The following MAPKAP1 variants were observed in gnomAD, a reference collection of about 807,000 sequenced individuals.
The protein encoded by MAPKAP1 is MAPK associated protein 1.
MAPKAP1 carries 20 observed loss-of-function variants against 65.7 expected under a neutral mutation model. The observed-to-expected ratio is 0.30, with a 90% CI of 0.21 to 0.44. The LOEUF is 0.44. Among genes scored for constraint, MAPKAP1 ranks in the 20% least tolerant of loss-of-function variants. The pLI is 1.00. For synonymous variants in MAPKAP1, 222 were observed against 244.3 expected (o/e 0.91, Z 0.85); for missense variants, 423 against 648.0 (o/e 0.65, Z 3.77).
intron 1 of MAPKAP1, among the ~76,000 whole-genome samples, chr9:125,701,817 C>T (rs1835607990): frequency 6.6e-6 from 1 of 152,188 alleles, no homozygotes; most frequent in Non-Finnish European, 1.5e-5. Context: ...GTCATCTCAC[C>T]AGCCAGATCT....
chr9:125,564,773 C>T (rs1262569966), intron 5 of MAPKAP1, among the ~76,000 whole-genome samples: 7 of 152,244 alleles, frequency 4.6e-5, no homozygotes, highest in East Asian at 3.9e-4. Flanking sequence ...CTTCTGATTA[C>T]GCAGAAGCTG....
intron 8 of MAPKAP1, among the ~76,000 whole-genome samples, chr9:125,499,603 T>C (rs1170247001): frequency 1.3e-5 from 2 of 152,190 alleles, no homozygotes; most frequent in Non-Finnish European, 2.9e-5. Flanking sequence ...ATTAAGACCA[T>C]GTTCATGTTC....
chr9:125,446,146 T>A (rs886605936), intron 10 of MAPKAP1, among the ~76,000 whole-genome samples: 1 of 152,184 alleles, frequency 6.6e-6, no homozygotes, highest in Non-Finnish European at 1.5e-5. Context: ...GAAATCTTCT[T>A]GGGGACTTTA....
intron 6 of MAPKAP1, among the ~76,000 whole-genome samples, chr9:125,547,429 T>G (rs1240504874): frequency 6.6e-6 from 1 of 152,218 alleles, no homozygotes; most frequent in Non-Finnish European, 1.5e-5. Context: ...CTGTAACATG[T>G]GGGAACCTCA....
chr9:125,437,945 G>C lies in MAPKAP1; in HGVS notation c.*942C>G, dbSNP rs1020899906. On this transcript the variant is annotated 3_prime_UTR_variant, in exon 12 of 12. Coordinates refer to ENST00000265960, the MANE Select transcript of MAPKAP1 (RefSeq NM_001006617.3). ...CTCCGCTCACCCCTCTCCCTGAAAC[G>C]TGAGAAACAGCAGCTTTCCGCCTGC... 1 of 155,668 alleles carries C rather than the reference G, an allele frequency of 6.4e-6. No individual in the cohort carries two copies. Among genetic ancestry groups the C allele is most frequent in the Admixed American group, 6.5e-5 (1 of 15,358 alleles). 9.6% of individuals were successfully genotyped at this position (155,668 alleles called of 1,614,324 possible).
At chr9:125,585,487 C>A in intron 5 of MAPKAP1, 68 bp downstream of exon 5, 1 of 1,553,526 alleles carries the variant, frequency 6.4e-7, no homozygotes, top group Admixed American at 1.7e-5. Context: ...GACTAACCAG[C>A]CTAGAAGACA....
chr9:125,639,182 A>C (rs1214684498), intron 4 of MAPKAP1, among the ~76,000 whole-genome samples: 1 of 152,216 alleles, frequency 6.6e-6, no homozygotes, highest in Non-Finnish European at 1.5e-5. Flanking sequence ...CGGAGGCTGC[A>C]GGGAGCCGAG....
intron 4 of MAPKAP1, among the ~76,000 whole-genome samples, chr9:125,628,396 T>G (rs1251283838): frequency 6.6e-6 from 1 of 152,120 alleles, no homozygotes; most frequent in African/African-American, 2.4e-5. Context: ...AAGGATACAC[T>G]CTAAATGTCA....
intron 4 of MAPKAP1, among the ~76,000 whole-genome samples, chr9:125,594,201 A>G (rs1318637401): frequency 2.6e-5 from 4 of 152,156 alleles, no homozygotes; most frequent in African/African-American, 7.2e-5. Context: ...CTTCCCCTCC[A>G]AATCTTTCTT....
chr9:125,438,540 T>C lies in MAPKAP1; in HGVS notation c.*347A>G. 4.9e-6 allele frequency: 2 copies of C among 411,354 alleles called. No individual in the cohort carries two copies. The highest frequency in any genetic ancestry group is 8.5e-6 in the Non-Finnish European group (2 of 234,010). The allele number at this position is 411,354 out of a possible 1,614,324, so 25.5% of individuals were successfully genotyped here. A position where few individuals can be genotyped will look rare whatever the true frequency, so the allele number is the denominator to read the frequency against. ...ATTTTTGTTGTTTGCTTTAAGAAAT[T>C]TGATCAAGTTGCAAGGAAATGTGTG... is the stretch of plus-strand genomic sequence containing the variant. On this transcript the variant is annotated 3_prime_UTR_variant, in exon 12 of 12. Coordinates refer to ENST00000265960, the MANE Select transcript of MAPKAP1 (RefSeq NM_001006617.3).
chr9:125,695,611 A>AT (rs1698351140), intron 1 of MAPKAP1, among the ~76,000 whole-genome samples: 1 of 152,230 alleles, frequency 6.6e-6, no homozygotes, highest in Admixed American at 6.5e-5. Context: ...TGCATTGTAC[A>AT]TAAGAGAATC....
At chr9:125,570,924 A>T (rs75802723) in intron 5 of MAPKAP1, among the ~76,000 whole-genome samples, 3 of 137,182 alleles carry the variant, frequency 2.2e-5, no homozygotes, top group African/African-American at 9.1e-5. Flanking sequence ...CTCTTTCATA[A>T]AAAAAAAAAA....
chr9:125,509,629 C>T (rs1829243346), intron 7 of MAPKAP1, among the ~76,000 whole-genome samples: 1 of 152,094 alleles, frequency 6.6e-6, no homozygotes. Context: ...AACCGTGCAC[C>T]CTGGCATGTG....
intron 4 of MAPKAP1, among the ~76,000 whole-genome samples, chr9:125,641,070 T>C (rs1833563799): frequency 1.3e-5 from 2 of 152,192 alleles, no homozygotes; most frequent in Admixed American, 1.3e-4. Context: ...ATAGAAATAA[T>C]AATCCACACA....
At chr9:125,534,589 G>T (rs1470052856) in intron 7 of MAPKAP1, among the ~76,000 whole-genome samples, 2 of 152,130 alleles carry the variant, frequency 1.3e-5, no homozygotes, top group African/African-American at 4.8e-5. Flanking sequence ...CCTCTGCATT[G>T]GTGTCTCTGC....
At chr9:125,530,048 G>C (rs1316814769) in intron 7 of MAPKAP1, among the ~76,000 whole-genome samples, 9 of 152,208 alleles carry the variant, frequency 5.9e-5, no homozygotes, top group Non-Finnish European at 1.5e-5. Flanking sequence ...CATTGCTTAT[G>C]GGAGTAAAAC....
chr9:125,527,103 C>T (rs1196136767), intron 7 of MAPKAP1, among the ~76,000 whole-genome samples: 1 of 151,858 alleles, frequency 6.6e-6, no homozygotes, highest in African/African-American at 2.4e-5. Flanking sequence ...CTCACTCTGT[C>T]ACCCAGGCTG....
intron 4 of MAPKAP1, among the ~76,000 whole-genome samples, chr9:125,588,345 G>C (rs1456330680): frequency 1.3e-5 from 2 of 152,164 alleles, no homozygotes; most frequent in Non-Finnish European, 2.9e-5. Flanking sequence ...GAACTGTTCA[G>C]AACAGGCAAA....
At position 125,438,530 on chromosome 9, in the gene MAPKAP1, T is replaced by C. The variant is rs1852369860; in HGVS notation, c.*357A>G. ...AGAAATGTACATTTTTGTTGTTTGC[T>C]TTAAGAAATTTGATCAAGTTGCAAG... On this transcript the variant is annotated 3_prime_UTR_variant, in exon 12 of 12. Transcript: ENST00000265960. 2 of 413,428 alleles carry C rather than the reference T, an allele frequency of 4.8e-6. No individual in the cohort carries two copies. Among genetic ancestry groups the C allele is most frequent in the Admixed American group, 8.5e-5 (2 of 23,554 alleles). The allele number at this position is 413,428 out of a possible 1,614,324, so 25.6% of individuals were successfully genotyped here.
Sources: gnomAD v4.1 joint callset for allele counts (sites outside exome capture counted in the v4.1 genomes callset) on GRCh38, gnomAD v4.1.1 for gene constraint, MANE v1.5 for transcripts, NCBI Gene and HGNC (gene_info 2026-07-23, HGNC 2026-07-21) for gene names.